The following MIPOL1 variants were observed in gnomAD, a reference collection of about 807,000 sequenced individuals.
MIPOL1 encodes the protein mirror-image polydactyly 1.
Under a neutral mutation model 60.9 loss-of-function variants are expected in MIPOL1, and 57 were observed. That is an observed-to-expected ratio of 0.94 (90% CI 0.76 to 1.17). MIPOL1 has a LOEUF of 1.17. MIPOL1 is among the 50% of genes most tolerant of loss of function. The pLI is 0.00. For synonymous variants in MIPOL1, 179 were observed against 168.8 expected, an observed-to-expected ratio of 1.06 and a Z score of -0.47; for missense variants, 551 against 511.6, an observed-to-expected ratio of 1.08 and a Z score of -0.74.
chr14:37,321,156 A>C (rs2088535572), intron 9 of MIPOL1, among the ~76,000 whole-genome samples: 1 of 152,036 alleles, frequency 6.6e-6, no homozygotes, highest in Admixed American at 6.6e-5. Flanking sequence ...AGTTAAAGCA[A>C]GATTGGCATC....
intron 1 of MIPOL1, among the ~76,000 whole-genome samples, chr14:37,201,507 A>G (rs1054419215): frequency 2.0e-5 from 3 of 152,210 alleles, no homozygotes; most frequent in Admixed American, 2.0e-4. Flanking sequence ...GTAAAAATAT[A>G]TAATATAGTT....
chr14:37,342,405 A>G (rs1390257649), intron 9 of MIPOL1, among the ~76,000 whole-genome samples: 1 of 150,608 alleles, frequency 6.6e-6, no homozygotes, highest in Non-Finnish European at 1.5e-5. Context: ...CATGCAAATC[A>G]CAATTTTTTT....
At chr14:37,345,953 A>T (rs570928830) in intron 9 of MIPOL1, among the ~76,000 whole-genome samples, 8 of 152,336 alleles carry the variant, frequency 5.3e-5, no homozygotes, top group African/African-American at 1.7e-4. Flanking sequence ...TACTTAAAAT[A>T]CATTACTTGA....
intron 11 of MIPOL1, among the ~76,000 whole-genome samples, chr14:37,451,649 G>A (rs1186585103): frequency 6.6e-6 from 1 of 151,906 alleles, no homozygotes; most frequent in Non-Finnish European, 1.5e-5. Context: ...GATAGAAAAA[G>A]CATTGACATC....
At chr14:37,265,580 G>A (rs1189310980) in intron 3 of MIPOL1, among the ~76,000 whole-genome samples, 1 of 152,154 alleles carries the variant, frequency 6.6e-6, no homozygotes. Context: ...ATGGCAGAGA[G>A]GAGAGCATTG....
At chr14:37,414,234 G>A (rs2093726471) in intron 10 of MIPOL1, among the ~76,000 whole-genome samples, 1 of 151,974 alleles carries the variant, frequency 6.6e-6, no homozygotes, top group Admixed American at 6.6e-5. Flanking sequence ...TTTCATAATA[G>A]GCCATCCATT....
At chr14:37,440,185 T>G (rs1232161288) in intron 11 of MIPOL1, among the ~76,000 whole-genome samples, 5 of 152,212 alleles carry the variant, frequency 3.3e-5, no homozygotes, top group African/African-American at 9.6e-5. Context: ...ATCCACTCAG[T>G]GTTAAAACTT....
intron 9 of MIPOL1, among the ~76,000 whole-genome samples, chr14:37,349,070 T>G (rs1235389633): frequency 7.0e-6 from 1 of 143,368 alleles, no homozygotes; most frequent in Non-Finnish European, 1.5e-5. Context: ...CTCACTGCAG[T>G]CTCCACCTCC....
intron 9 of MIPOL1, among the ~76,000 whole-genome samples, chr14:37,357,118 A>G (rs1346794792): frequency 6.6e-6 from 1 of 152,208 alleles, no homozygotes; most frequent in African/African-American, 2.4e-5. Context: ...TTTGGAGTAT[A>G]TACCCAGTAG....
intron 7 of MIPOL1, among the ~76,000 whole-genome samples, chr14:37,296,860 G>T (rs1288067546): frequency 6.6e-6 from 1 of 152,186 alleles, no homozygotes; most frequent in East Asian, 1.9e-4. Flanking sequence ...ATTCACAGCC[G>T]AATTCTACCA....
chr14:37,528,038 T>C (rs1172340082), intron 12 of MIPOL1, among the ~76,000 whole-genome samples: 2 of 152,038 alleles, frequency 1.3e-5, no homozygotes, highest in African/African-American at 4.8e-5. Flanking sequence ...TATACAAGTG[T>C]TTATCGTGAT....
At chr14:37,351,361 A>G (rs1224683048) in intron 9 of MIPOL1, among the ~76,000 whole-genome samples, 6 of 146,362 alleles carry the variant, frequency 4.1e-5, no homozygotes, top group Non-Finnish European at 9.1e-5. Flanking sequence ...TAATGCCGCA[A>G]TAAACATACG....
At chr14:37,347,752 C>A (rs1395718684) in intron 9 of MIPOL1, among the ~76,000 whole-genome samples, 3 of 152,100 alleles carry the variant, frequency 2.0e-5, no homozygotes, top group Non-Finnish European at 4.4e-5. Context: ...ATGTTAACAA[C>A]AATCAATGCC....
intron 11 of MIPOL1, among the ~76,000 whole-genome samples, chr14:37,476,417 C>A (rs1458080851): frequency 6.6e-6 from 1 of 152,070 alleles, no homozygotes; most frequent in Non-Finnish European, 1.5e-5. Context: ...AATCTTTATA[C>A]CTTTCACTTT....
intron 1 of MIPOL1, among the ~76,000 whole-genome samples, chr14:37,200,883 TGTGTGTGTGTG>T (rs1566965014): frequency 1.9e-5 from 2 of 107,504 alleles, no homozygotes; most frequent in South Asian, 2.9e-4. Context: ...TGTGTGTGTG[TGTGTGTGTGTG>T]TGTGTATTTT....
intron 12 of MIPOL1, among the ~76,000 whole-genome samples, chr14:37,512,164 AAC>A (rs35664979): frequency 2.0e-5 from 3 of 149,936 alleles, no homozygotes; most frequent in East Asian, 2.0e-4. Flanking sequence ...CTATTGACCA[AAC>A]ACACACACAC....
chr14:37,332,890 G>T (rs1422028291), intron 9 of MIPOL1, among the ~76,000 whole-genome samples: 2 of 152,146 alleles, frequency 1.3e-5, no homozygotes, highest in African/African-American at 4.8e-5. Flanking sequence ...AGATCATTTT[G>T]CTATGATACA....
At chr14:37,425,092 A>G (rs976715310) in intron 11 of MIPOL1, among the ~76,000 whole-genome samples, 3 of 152,210 alleles carry the variant, frequency 2.0e-5, no homozygotes, top group South Asian at 2.1e-4. Context: ...TGCCCTGACC[A>G]TGGACATTGC....
chr14:37,535,253 C>T (rs928495752), intron 12 of MIPOL1, among the ~76,000 whole-genome samples: 3 of 151,972 alleles, frequency 2.0e-5, no homozygotes, highest in Admixed American at 6.6e-5. Context: ...AATTTTTTGG[C>T]GCCTTGTCTA....
Sources: allele counts gnomAD v4.1 joint callset (sites outside exome capture counted in the v4.1 genomes callset), GRCh38; gene constraint gnomAD v4.1.1; transcripts MANE v1.5; gene names NCBI Gene and HGNC (gene_info 2026-07-23, HGNC 2026-07-21).